TDRD5: variants seen among roughly 807,000 people sequenced by gnomAD.
The protein encoded by TDRD5 is tudor domain-containing protein 5.
TDRD5 carries 41 observed loss-of-function variants against 120.6 expected under a neutral mutation model. The ratio of observed to expected loss-of-function variants is 0.34; its 90% CI spans 0.26 to 0.44. The LOEUF is 0.44. Ranked by LOEUF, TDRD5 falls within the 20% of genes least tolerant of loss-of-function variation. TDRD5 has a pLI of 1.00. For synonymous variants in TDRD5, 430 were observed against 433.7 expected, an observed-to-expected ratio of 0.99 and a Z score of 0.11; for missense variants, 1,006 against 1,221.2, an observed-to-expected ratio of 0.82 and a Z score of 2.63.
At chr1:179,678,802 T>C (rs1680272431) in intron 17 of TDRD5, among the ~76,000 whole-genome samples, 1 of 152,212 alleles carries the variant, frequency 6.6e-6, no homozygotes, top group African/African-American at 2.4e-5. Flanking sequence ...ATTTTCTGTA[T>C]AGACATTTCA....
intron 4 of TDRD5, among the ~76,000 whole-genome samples, chr1:179,597,332 CTTTTTTT>C (rs945509784): frequency 1.0e-4 from 13 of 125,572 alleles, no homozygotes; most frequent in East Asian, 2.3e-4. Context: ...TTCTTTTTTT[CTTTTTTT>C]TTTTTTTTTT....
intron 4 of TDRD5, among the ~76,000 whole-genome samples, chr1:179,599,727 A>G (rs1675600500): frequency 6.6e-6 from 1 of 152,100 alleles, no homozygotes; most frequent in Non-Finnish European, 1.5e-5. Context: ...CTCACTAAAG[A>G]TTTATTCACT....
intron 3 of TDRD5, 48 bp downstream of exon 3, chr1:179,593,915 G>T (rs751751732): frequency 1.3e-6 from 2 of 1,574,422 alleles, no homozygotes; most frequent in South Asian, 2.4e-5. Context: ...ATAGAGGGGT[G>T]TGTAATCACT....
chr1:179,654,223 C>A lies in TDRD5; in HGVS notation c.2183C>A (p.Ser728Tyr). ...TAGCAAGATATTAATGATGAAAAGTCTTTAAGTCATCTTAAATCTGAGTCA... is the reference window on the plus strand; with the variant it reads ...TAGCAAGATATTAATGATGAAAAGTATTTAAGTCATCTTAAATCTGAGTCA... ...RILQDINDEK[S>Y]LSHLKSESKE... is the part of the protein sequence containing the mutation. Residue 728 changes from serine (S) to tyrosine (Y), a missense_variant, in exon 14 of 18, where the codon TCT becomes TAT. This residue lies in a region of TDRD5 where 403 missense variants were observed against 448.1 expected (regional missense o/e 0.90). Coordinates refer to ENST00000444136, the MANE Select transcript of TDRD5 (RefSeq NM_001199085.3). 7 of 1,545,238 alleles carry A rather than the reference C, an allele frequency of 4.5e-6. No homozygotes were observed. The highest frequency in any genetic ancestry group is 6.1e-6 in the Non-Finnish European group (7 of 1,144,428).
chr1:179,635,896 CTG>C lies in TDRD5; in HGVS notation c.1520+11_1520+12del, dbSNP rs1558395866. ...ATGATGATTGAAATGCGGTAGGAGTCTGTTGTTTTCAATGTGTTTTTCACATG... is the reference window on the plus strand; with the variant it reads ...ATGATGATTGAAATGCGGTAGGAGTCTTGTTTTCAATGTGTTTTTCACATG... On this transcript the variant is annotated intron_variant, in intron 9 of 17. Transcript: ENST00000444136. The C allele has an allele frequency of 6.2e-7, 1 of 1,608,230 alleles. No homozygotes were observed. Among genetic ancestry groups the C allele is most frequent in the East Asian group, 2.2e-5 (1 of 44,734 alleles).
At chr1:179,661,285 T>C (rs1233427602) in intron 14 of TDRD5, among the ~76,000 whole-genome samples, 2 of 152,008 alleles carry the variant, frequency 1.3e-5, no homozygotes, top group Non-Finnish European at 2.9e-5. Flanking sequence ...ATATTCTTTC[T>C]GTTCTCCTTG....
intron 4 of TDRD5, 94 bp from the exon 5 acceptor site, chr1:179,618,505 T>A (rs1385221720): frequency 1.4e-5 from 11 of 802,272 alleles, no homozygotes; most frequent in Non-Finnish European, 1.9e-5. Flanking sequence ...ATGTCTCCTT[T>A]TATAGATTTT....
intron 17 of TDRD5, among the ~76,000 whole-genome samples, chr1:179,689,105 T>A (rs1044591416): frequency 2.6e-5 from 4 of 152,250 alleles, no homozygotes; most frequent in African/African-American, 9.6e-5. Flanking sequence ...AGGAGCTGCG[T>A]TCCTTTGGAG....
At chr1:179,620,934 A>G in intron 5 of TDRD5, 101 bp from the exon 6 acceptor site, 1 of 917,620 alleles carries the variant, frequency 1.1e-6, no homozygotes, top group Non-Finnish European at 1.6e-6. Flanking sequence ...TCATTTAATA[A>G]TGTTACTTTT....
intron 4 of TDRD5, among the ~76,000 whole-genome samples, chr1:179,617,891 AT>A (rs1676642387): frequency 6.6e-6 from 1 of 152,108 alleles, no homozygotes; most frequent in Non-Finnish European, 1.5e-5. Flanking sequence ...CTTAACTCAG[AT>A]TCCTCCTGTC....
In TDRD5 at chr1:179,652,086, AG is replaced by A; in HGVS notation, c.2052del (p.Pro685GlnfsTer6). On this transcript the variant is annotated frameshift_variant, in exon 13 of 18. Coordinates refer to ENST00000444136, the MANE Select transcript of TDRD5 (RefSeq NM_001199085.3). LOFTEE classifies it high-confidence loss of function. ...PLALYTTSSGGPEDIVLTELG... is the reference protein window; with the variant it reads ...PLALYTTSSGXPEDIVLTELG... ...TAGCTTTATACACGACATCCAGTGG[AG>A]GGCCAGAGGACATTGTCTTGACAGA... The A allele has an allele frequency of 1.9e-6, 3 of 1,613,942 alleles. No individual in the cohort carries two copies. Among genetic ancestry groups the A allele is most frequent in the Non-Finnish European group, 2.5e-6 (3 of 1,179,988 alleles).
At chr1:179,625,305 TAAAAG>T (rs1677063406) in intron 6 of TDRD5, among the ~76,000 whole-genome samples, 1 of 152,146 alleles carries the variant, frequency 6.6e-6, no homozygotes. Context: ...AGTAATCAGT[TAAAAG>T]AAAACTGATA....
chr1:179,650,245 A>G (rs150983081), intron 11 of TDRD5, among the ~76,000 whole-genome samples: 2,632 of 152,078 alleles, frequency 0.017, 52 homozygotes, highest in African/African-American at 0.059. Flanking sequence ...TACTAAAAAT[A>G]CAGAAATCAG....
At chr1:179,600,886 A>G (rs912701274) in intron 4 of TDRD5, among the ~76,000 whole-genome samples, 1 of 152,124 alleles carries the variant, frequency 6.6e-6, no homozygotes, top group Non-Finnish European at 1.5e-5. Flanking sequence ...TGTATCATGG[A>G]TTATTTAGAA....
intron 4 of TDRD5, among the ~76,000 whole-genome samples, chr1:179,610,930 A>G (rs2101944388): frequency 6.6e-6 from 1 of 152,278 alleles, no homozygotes; most frequent in South Asian, 2.1e-4. Flanking sequence ...AAGTGTATTC[A>G]TTCATTGACA....
At chr1:179,670,825 C>T (rs962466389) in intron 17 of TDRD5, among the ~76,000 whole-genome samples, 2 of 152,224 alleles carry the variant, frequency 1.3e-5, no homozygotes, top group Non-Finnish European at 2.9e-5. Context: ...AAATATTCCT[C>T]CAGTCTGTGG....
intron 6 of TDRD5, among the ~76,000 whole-genome samples, chr1:179,628,257 G>A (rs1162699599): frequency 6.6e-6 from 1 of 150,986 alleles, no homozygotes; most frequent in African/African-American, 2.4e-5. Flanking sequence ...TTCGTTGAAG[G>A]TGGAAGGAAA....
chr1:179,652,261 T>G (rs1678764696), intron 13 of TDRD5, 64 bp downstream of exon 13: 1 of 1,471,346 alleles, frequency 6.8e-7, no homozygotes, highest in South Asian at 1.4e-5. Flanking sequence ...TTTTTTTAGA[T>G]GAAGAAACCA....
intron 17 of TDRD5, among the ~76,000 whole-genome samples, chr1:179,680,828 C>G (rs199794488): frequency 6.6e-6 from 1 of 150,916 alleles, no homozygotes; most frequent in Non-Finnish European, 1.5e-5. Flanking sequence ...TAAAAAAGAA[C>G]AAAACTACCA....
Sources: gnomAD v4.1 joint callset for allele counts (sites outside exome capture counted in the v4.1 genomes callset) on GRCh38, gnomAD v4.1.1 for gene constraint, gnomAD v4.1.1 regional missense constraint, MANE v1.5 for transcripts, NCBI Gene and HGNC (gene_info 2026-07-23, HGNC 2026-07-21) for gene names.